The following CNTN5 variants were observed in gnomAD, a reference collection of about 807,000 sequenced individuals.
CNTN5 encodes contactin-5.
CNTN5 carries 77 observed loss-of-function variants against 129.1 expected under a neutral mutation model. The ratio of observed to expected loss-of-function variants is 0.60; its 90% CI spans 0.50 to 0.72. CNTN5 has a LOEUF of 0.72. CNTN5 is among the 30% of genes least tolerant of loss of function. The pLI, the probability that CNTN5 is intolerant of heterozygous loss-of-function variation, is 0.00. For synonymous variants in CNTN5, 509 were observed against 465.6 expected, an observed-to-expected ratio of 1.09 and a Z score of -1.20; for missense variants, 1,478 against 1,328.8, an observed-to-expected ratio of 1.11 and a Z score of -1.75.
At chr11:99,839,902 C>T (rs1947426669) in intron 4 of CNTN5, among the ~76,000 whole-genome samples, 1 of 151,676 alleles carries the variant, frequency 6.6e-6, no homozygotes, top group Admixed American at 6.6e-5. Context: ...GTATGCCTAA[C>T]TGGTATGAGG....
At chr11:99,827,088 T>G (rs750067924) in intron 4 of CNTN5, among the ~76,000 whole-genome samples, 1 of 152,068 alleles carries the variant, frequency 6.6e-6, no homozygotes, top group Non-Finnish European at 1.5e-5. Flanking sequence ...TTTGTTTTGT[T>G]TTTGTTTGTT....
At chr11:99,590,106 C>T (rs1021765563) in intron 3 of CNTN5, among the ~76,000 whole-genome samples, 8 of 152,008 alleles carry the variant, frequency 5.3e-5, no homozygotes, top group Admixed American at 4.6e-4. Flanking sequence ...CAGAGATGAA[C>T]AGGCCTCTAT....
intron 6 of CNTN5, among the ~76,000 whole-genome samples, chr11:99,879,930 A>T (rs1948728923): frequency 6.6e-6 from 1 of 152,204 alleles, no homozygotes; most frequent in African/African-American, 2.4e-5. Context: ...GTATTTATTT[A>T]TTAAAATACT....
chr11:99,388,706 C>G, intron 2 of CNTN5, among the ~76,000 whole-genome samples: 1 of 152,112 alleles, frequency 6.6e-6, no homozygotes, highest in Non-Finnish European at 1.5e-5. Flanking sequence ...CTTTTTACAC[C>G]TGCTACTATA....
At chr11:99,595,281 T>C (rs1950091465) in intron 3 of CNTN5, among the ~76,000 whole-genome samples, 1 of 152,218 alleles carries the variant, frequency 6.6e-6, no homozygotes, top group Non-Finnish European at 1.5e-5. Flanking sequence ...TTGGTCATTA[T>C]ACTTTGTATA....
At chr11:99,160,061 A>G (rs1032009108) in intron 1 of CNTN5, among the ~76,000 whole-genome samples, 1 of 152,224 alleles carries the variant, frequency 6.6e-6, no homozygotes, top group African/African-American at 2.4e-5. Flanking sequence ...TATTAAAAGA[A>G]TTTACACAAT....
intron 2 of CNTN5, among the ~76,000 whole-genome samples, chr11:99,327,328 C>T (rs1232172788): frequency 1.3e-5 from 2 of 152,146 alleles, no homozygotes; most frequent in African/African-American, 2.4e-5. Flanking sequence ...ATGTCTTGGA[C>T]ACCTGTGAAC....
At chr11:99,887,665 G>A (rs534967382) in intron 6 of CNTN5, among the ~76,000 whole-genome samples, 38 of 152,338 alleles carry the variant, frequency 2.5e-4, no homozygotes, top group Admixed American at 1.8e-3. Context: ...GTCTGTGGCC[G>A]AAGGCCTGAA....
At chr11:99,200,777 CA>C (rs1859129936) in intron 1 of CNTN5, among the ~76,000 whole-genome samples, 1 of 152,110 alleles carries the variant, frequency 6.6e-6, no homozygotes, top group South Asian at 2.1e-4. Context: ...CTACACAGTC[CA>C]ATCAAGGATC....
intron 1 of CNTN5, among the ~76,000 whole-genome samples, chr11:99,053,062 T>A (rs2135181854): frequency 6.6e-6 from 1 of 152,012 alleles, no homozygotes. Flanking sequence ...CTACTCCCTC[T>A]TATGTGCCAA....
rs191099289 is a variant in CNTN5 at position 99,927,979 on chromosome 11, G to A, written c.673+11830G>A. On this transcript the variant is annotated intron_variant, in intron 7 of 24. Coordinates refer to ENST00000524871, the MANE Select transcript of CNTN5 (RefSeq NM_014361.4). ...TTAGTTACTTCCTACATACTATGGG[G>A]GTACAGGCATTGGATAATTACACCC... is the stretch of plus-strand genomic sequence containing the variant. 6.6e-5 allele frequency among the ~76,000 whole-genome samples: 10 copies of A among 152,200 alleles called. No homozygotes were observed. In the East Asian group the frequency reaches 1.9e-3, roughly 29 times the overall value.
chr11:99,576,471 T>C (rs758826587), intron 3 of CNTN5, among the ~76,000 whole-genome samples: 2 of 152,218 alleles, frequency 1.3e-5, no homozygotes, highest in Non-Finnish European at 2.9e-5. Flanking sequence ...CTTTCATTGA[T>C]GTTTTTCTTT....
chr11:99,428,893 T>C (rs1304367321), intron 2 of CNTN5, among the ~76,000 whole-genome samples: 5 of 152,120 alleles, frequency 3.3e-5, no homozygotes, highest in African/African-American at 1.2e-4. Context: ...ATCAGTTTTT[T>C]GCCAATAACC....
chr11:99,450,406 G>A (rs1024627585), intron 2 of CNTN5, among the ~76,000 whole-genome samples: 4 of 152,034 alleles, frequency 2.6e-5, no homozygotes, highest in African/African-American at 9.7e-5. Context: ...TAAAGACTGT[G>A]ATGTCCCCAC....
chr11:100,224,527 C>A (rs1306217731), intron 15 of CNTN5, among the ~76,000 whole-genome samples, 165 bp from the exon 16 acceptor site: 1 of 152,142 alleles, frequency 6.6e-6, no homozygotes, highest in East Asian at 1.9e-4. Flanking sequence ...AACAAAACTT[C>A]TATGTGTTCC....
At chr11:99,233,673 T>C (rs565784399) in intron 1 of CNTN5, among the ~76,000 whole-genome samples, 1 of 152,226 alleles carries the variant, frequency 6.6e-6, no homozygotes, top group East Asian at 1.9e-4. Context: ...TTAGGCCGGA[T>C]GCGGTGGCTC....
chr11:99,139,030 C>T (rs1402867849), intron 1 of CNTN5, among the ~76,000 whole-genome samples: 1 of 151,970 alleles, frequency 6.6e-6, no homozygotes, highest in Non-Finnish European at 1.5e-5. Flanking sequence ...TGCTTGAGCT[C>T]AGGAGTTCAA....
intron 2 of CNTN5, among the ~76,000 whole-genome samples, chr11:99,493,220 T>C (rs188977076): frequency 6.6e-5 from 10 of 152,382 alleles, no homozygotes; most frequent in African/African-American, 9.6e-5. Context: ...TAAGTTTGTT[T>C]CTTTCTTTTT....
intron 2 of CNTN5, among the ~76,000 whole-genome samples, chr11:99,358,030 TAAATA>T (rs1938810971): frequency 1.4e-5 from 2 of 146,284 alleles, no homozygotes; most frequent in Admixed American, 7.0e-5. Context: ...ATAAAATAAA[TAAATA>T]AAATAAAATT....
Sources: gnomAD v4.1 joint callset for allele counts (sites outside exome capture counted in the v4.1 genomes callset) on GRCh38, gnomAD v4.1.1 for gene constraint, MANE v1.5 for transcripts, NCBI Gene and HGNC (gene_info 2026-07-23, HGNC 2026-07-21) for gene names.